Variants in KLF12 observed in about 807,000 individuals in gnomAD.
KLF12 encodes the protein KLF transcription factor 12.
KLF12 carries 9 observed loss-of-function variants against 37.8 expected under a neutral mutation model. The ratio of observed to expected loss-of-function variants is 0.24; its 90% CI spans 0.14 to 0.42. The LOEUF is 0.42. KLF12 is among the 10% of genes least tolerant of loss of function. The pLI, the probability that KLF12 is intolerant of heterozygous loss-of-function variation, is 1.00. For synonymous variants in KLF12, 208 were observed against 202.1 expected, an observed-to-expected ratio of 1.03 and a Z score of -0.25; for missense variants, 411 against 516.0, an observed-to-expected ratio of 0.80 and a Z score of 1.97.
At chr13:73,896,033 G>A (rs1468705097) in intron 3 of KLF12, among the ~76,000 whole-genome samples, 1 of 151,934 alleles carries the variant, frequency 6.6e-6, no homozygotes, top group Admixed American at 6.6e-5. Context: ...TGTTGGCCAG[G>A]CTGGTCTTGA....
the KLF12 span, among the ~76,000 whole-genome samples, chr13:74,159,058 A>G: frequency 6.6e-6 from 1 of 152,202 alleles, no homozygotes; most frequent in African/African-American, 2.4e-5. Context: ...GAAAACAGGC[A>G]TGATCTTCCT....
chr13:74,086,993 G>A (rs914630438), intron 1 of KLF12, among the ~76,000 whole-genome samples: 4 of 152,142 alleles, frequency 2.6e-5, no homozygotes, highest in Admixed American at 2.6e-4. Context: ...AGTTGGTCTT[G>A]CTGTCTTGGG....
chr13:74,276,866 TG>T, the KLF12 span, among the ~76,000 whole-genome samples: 1 of 152,234 alleles, frequency 6.6e-6, no homozygotes, highest in African/African-American at 2.4e-5. Context: ...GATTATCTTT[TG>T]CTTGCAATAG....
At chr13:74,045,290 G>T (rs1050422223) in intron 1 of KLF12, among the ~76,000 whole-genome samples, 1 of 152,156 alleles carries the variant, frequency 6.6e-6, no homozygotes, top group African/African-American at 2.4e-5. Context: ...GATGTAATGA[G>T]AACGGCACTT....
chr13:73,810,982 C>CTTTCTTTCTTTTTTTTTTTTTTTT (rs1555308731), intron 5 of KLF12, among the ~76,000 whole-genome samples: 1 of 44,808 alleles, frequency 2.2e-5, no homozygotes, highest in African/African-American at 8.4e-5. Flanking sequence ...ATTTTTCTTT[C>CTTTCTTTCTTTTTTTTTTTTTTTT]TTTTTTTTTT....
chr13:73,758,676 T>A (rs1366511990), intron 6 of KLF12, among the ~76,000 whole-genome samples: 1 of 152,172 alleles, frequency 6.6e-6, no homozygotes, highest in Non-Finnish European at 1.5e-5. Flanking sequence ...AGTGGTTACC[T>A]TTATGGCCTC....
the KLF12 span, among the ~76,000 whole-genome samples, chr13:74,270,862 G>T: frequency 6.6e-6 from 1 of 152,078 alleles, no homozygotes; most frequent in African/African-American, 2.4e-5. Context: ...CTTGCATTGG[G>T]TCTGGCTTTC....
chr13:74,260,560 AAAATAAAATAAAAT>A, the KLF12 span, among the ~76,000 whole-genome samples: 8,336 of 98,688 alleles, frequency 0.084, 512 homozygotes, highest in African/African-American at 0.21. Context: ...TTTCTAAAAT[AAAATAAAATAAAAT>A]AAATAAAATA....
intron 1 of KLF12, among the ~76,000 whole-genome samples, chr13:74,043,279 AG>A (rs1893456120): frequency 6.6e-6 from 1 of 152,238 alleles, no homozygotes; most frequent in Admixed American, 6.5e-5. Context: ...AATGCTTCAA[AG>A]GAATATGTTT....
At chr13:74,058,384 T>A (rs1412934114) in intron 1 of KLF12, among the ~76,000 whole-genome samples, 1 of 128,788 alleles carries the variant, frequency 7.8e-6, no homozygotes, top group Non-Finnish European at 1.6e-5. Flanking sequence ...TGAGACAGAG[T>A]CTCGCTCTGT....
At chr13:73,807,751 A>T (rs151165094) in intron 5 of KLF12, among the ~76,000 whole-genome samples, 44 of 152,300 alleles carry the variant, frequency 2.9e-4, no homozygotes, top group Admixed American at 5.9e-4. Context: ...AATTCTGGAA[A>T]ACAAGCATAT....
chr13:74,013,876 G>T (rs1244068487), intron 1 of KLF12, among the ~76,000 whole-genome samples: 3 of 151,154 alleles, frequency 2.0e-5, no homozygotes, highest in African/African-American at 7.3e-5. Context: ...AAGAGATGAG[G>T]TCTATGTTGC....
intron 2 of KLF12, among the ~76,000 whole-genome samples, chr13:73,969,258 C>T (rs1891260728): frequency 6.6e-6 from 1 of 152,084 alleles, no homozygotes. Context: ...GTTTATACTG[C>T]CTGAAGTGAA....
intron 1 of KLF12, among the ~76,000 whole-genome samples, chr13:74,102,468 C>T (rs1206474151): frequency 1.3e-5 from 2 of 151,914 alleles, no homozygotes; most frequent in African/African-American, 4.8e-5. Flanking sequence ...GAGGCTGAGG[C>T]GAGCGGATCA....
intron 5 of KLF12, among the ~76,000 whole-genome samples, chr13:73,795,779 G>A (rs1223164808): frequency 1.3e-5 from 2 of 152,102 alleles, no homozygotes; most frequent in Middle Eastern, 3.4e-3. Context: ...TTTTCTACTC[G>A]GGACAAACCA....
At chr13:73,875,216 T>C (rs1886648780) in intron 3 of KLF12, among the ~76,000 whole-genome samples, 1 of 152,058 alleles carries the variant, frequency 6.6e-6, no homozygotes, top group African/African-American at 2.4e-5. Flanking sequence ...GGAAGCATAA[T>C]AACATGAACT....
intron 3 of KLF12, among the ~76,000 whole-genome samples, chr13:73,869,057 CTG>C (rs1175608621): frequency 2.0e-5 from 3 of 152,076 alleles, no homozygotes; most frequent in East Asian, 3.8e-4. Flanking sequence ...TTACATATAT[CTG>C]TGTTTACTTT....
At chr13:73,905,353 T>C (rs1488323960) in intron 3 of KLF12, among the ~76,000 whole-genome samples, 1 of 149,890 alleles carries the variant, frequency 6.7e-6, no homozygotes, top group Non-Finnish European at 1.5e-5. Context: ...TTTATGTTCA[T>C]GGGGCTCTGT....
At chr13:73,895,536 G>A (rs1440062985) in intron 3 of KLF12, among the ~76,000 whole-genome samples, 2 of 152,138 alleles carry the variant, frequency 1.3e-5, no homozygotes, top group Non-Finnish European at 2.9e-5. Flanking sequence ...GCCAGTCCTC[G>A]TATCTTTATA....
Sources: allele counts gnomAD v4.1 joint callset (sites outside exome capture counted in the v4.1 genomes callset), GRCh38; gene constraint gnomAD v4.1.1; transcripts MANE v1.5; gene names NCBI Gene and HGNC (gene_info 2026-07-23, HGNC 2026-07-21).